The following CDH12 variants were observed in gnomAD, a reference collection of about 807,000 sequenced individuals.
CDH12 encodes the protein cadherin 12.
A neutral mutation model predicts 74.1 loss-of-function variants in CDH12; 41 were observed. The ratio of observed to expected loss-of-function variants is 0.55; its 90% CI spans 0.43 to 0.72. The LOEUF (loss-of-function observed/expected upper bound fraction) is 0.72. Among genes scored for constraint, CDH12 ranks in the 30% least tolerant of loss-of-function variants. CDH12 has a pLI of 0.00. For missense variants in CDH12, 945 were observed against 977.2 expected, an observed-to-expected ratio of 0.97 and a Z score of 0.44; for synonymous variants, 399 against 355.0, an observed-to-expected ratio of 1.12 and a Z score of -1.39.
At chr5:22,326,571 A>G (rs1249378210) in intron 3 of CDH12, among the ~76,000 whole-genome samples, 1 of 152,196 alleles carries the variant, frequency 6.6e-6, no homozygotes, top group Admixed American at 6.5e-5. Flanking sequence ...ACTACAAAGA[A>G]CAACAGCGTT....
At chr5:22,337,462 C>A (rs1358513416) in intron 3 of CDH12, among the ~76,000 whole-genome samples, 1 of 152,010 alleles carries the variant, frequency 6.6e-6, no homozygotes, top group Non-Finnish European at 1.5e-5. Flanking sequence ...TGGGAAGGAC[C>A]TTGTGGGGGA....
At chr5:21,911,399 C>T (rs942837564) in intron 6 of CDH12, among the ~76,000 whole-genome samples, 2 of 151,870 alleles carry the variant, frequency 1.3e-5, no homozygotes, top group Non-Finnish European at 2.9e-5. Flanking sequence ...TTATTGATGG[C>T]TTTTACTTAA....
intron 10 of CDH12, among the ~76,000 whole-genome samples, chr5:21,796,319 G>T (rs533021314): frequency 2.0e-5 from 3 of 151,926 alleles, no homozygotes; most frequent in Non-Finnish European, 2.9e-5. Context: ...ATCATCTAGC[G>T]CAAAGCCTGT....
chr5:22,300,938 C>T (rs1737854093), intron 3 of CDH12, among the ~76,000 whole-genome samples: 1 of 152,104 alleles, frequency 6.6e-6, no homozygotes, highest in Non-Finnish European at 1.5e-5. Context: ...ATATTTAGTA[C>T]ATTTTCTATG....
chr5:22,790,440 A>T (rs1747850440), intron 1 of CDH12, among the ~76,000 whole-genome samples: 2 of 152,108 alleles, frequency 1.3e-5, no homozygotes, highest in African/African-American at 4.8e-5. Flanking sequence ...AAAGCCTTAC[A>T]CTTCTAAAAA....
chr5:21,840,775 A>C (rs1749797911), intron 8 of CDH12, among the ~76,000 whole-genome samples: 1 of 152,212 alleles, frequency 6.6e-6, no homozygotes, highest in African/African-American at 2.4e-5. Context: ...CCTATTTAAT[A>C]AATGGTGCTG....
intron 1 of CDH12, among the ~76,000 whole-genome samples, chr5:22,620,248 G>C (rs1008540592): frequency 4.6e-5 from 7 of 151,972 alleles, no homozygotes; most frequent in African/African-American, 1.7e-4. Flanking sequence ...ATTAAATATT[G>C]AAATATAAGA....
At chr5:22,675,859 C>A (rs907039651) in intron 1 of CDH12, among the ~76,000 whole-genome samples, 4 of 37,702 alleles carry the variant, frequency 1.1e-4, no homozygotes, top group Non-Finnish European at 2.0e-4. Context: ...TATATTTATA[C>A]TTTTGTATCT....
intron 1 of CDH12, among the ~76,000 whole-genome samples, chr5:22,510,146 C>G (rs923720399): frequency 2.6e-5 from 4 of 151,944 alleles, no homozygotes; most frequent in South Asian, 2.1e-4. Flanking sequence ...ACATTTAAAG[C>G]CTTCAGAGAA....
At chr5:22,183,973 A>C (rs1382877703) in intron 4 of CDH12, among the ~76,000 whole-genome samples, 1 of 152,084 alleles carries the variant, frequency 6.6e-6, no homozygotes, top group Non-Finnish European at 1.5e-5. Flanking sequence ...CTGTCCTAAT[A>C]TATGAAGAAC....
intron 4 of CDH12, among the ~76,000 whole-genome samples, chr5:22,164,149 C>T (rs899630343): frequency 2.6e-5 from 4 of 152,146 alleles, no homozygotes; most frequent in African/African-American, 9.7e-5. Flanking sequence ...TGGTCGTGGG[C>T]CACTTCCAAA....
At chr5:22,660,746 A>G (rs1464355062) in intron 1 of CDH12, among the ~76,000 whole-genome samples, 1 of 152,158 alleles carries the variant, frequency 6.6e-6, no homozygotes, top group African/African-American at 2.4e-5. Flanking sequence ...TAATTTTGAA[A>G]CATATTTTGT....
chr5:22,197,265 A>G (rs1750671604), intron 4 of CDH12, among the ~76,000 whole-genome samples: 1 of 151,892 alleles, frequency 6.6e-6, no homozygotes. Flanking sequence ...TAACACAGTG[A>G]AACCCTGTCT....
chr5:21,974,183 T>G (rs914892354), intron 6 of CDH12, among the ~76,000 whole-genome samples: 28 of 152,178 alleles, frequency 1.8e-4, no homozygotes, highest in African/African-American at 6.5e-4. Flanking sequence ...CTGGGTCATG[T>G]CAGATTTAGA....
chr5:22,306,306 G>C (rs1027760692), intron 3 of CDH12, among the ~76,000 whole-genome samples: 1 of 151,958 alleles, frequency 6.6e-6, no homozygotes, highest in African/African-American at 2.4e-5. Context: ...CAGAGACACA[G>C]AGAATATGCT....
intron 5 of CDH12, among the ~76,000 whole-genome samples, chr5:22,022,137 C>A (rs1287381424): frequency 6.6e-6 from 1 of 152,198 alleles, no homozygotes; most frequent in East Asian, 1.9e-4. Flanking sequence ...CAGCCAGCCC[C>A]ACTATTGACT....
intron 3 of CDH12, among the ~76,000 whole-genome samples, chr5:22,245,893 T>C (rs934351788): frequency 6.6e-6 from 1 of 152,112 alleles, no homozygotes; most frequent in East Asian, 1.9e-4. Flanking sequence ...AAATTCATTG[T>C]TTTTGAATAA....
At chr5:21,844,071 A>G (rs1239365982) in intron 7 of CDH12, among the ~76,000 whole-genome samples, 2 of 152,170 alleles carry the variant, frequency 1.3e-5, no homozygotes, top group African/African-American at 4.8e-5. Flanking sequence ...GGACTGAGAG[A>G]CAGAATTGTG....
At chr5:22,251,256 G>A (rs1753120632) in intron 3 of CDH12, among the ~76,000 whole-genome samples, 1 of 152,214 alleles carries the variant, frequency 6.6e-6, no homozygotes, top group African/African-American at 2.4e-5. Context: ...GAATGCAGGG[G>A]AAGGATCAGC....
Sources: allele counts gnomAD v4.1 joint callset (sites outside exome capture counted in the v4.1 genomes callset), GRCh38; gene constraint gnomAD v4.1.1; transcripts MANE v1.5; gene names NCBI Gene and HGNC (gene_info 2026-07-23, HGNC 2026-07-21).